Variants in CSMD1 observed in about 807,000 individuals in gnomAD.
The protein encoded by CSMD1 is CUB and Sushi multiple domains 1, also known as CUB and sushi domain-containing protein 1.
Under a neutral mutation model 417.5 loss-of-function variants are expected in CSMD1, and 213 were observed. That is an observed-to-expected ratio of 0.51 (90% CI 0.46 to 0.57). The LOEUF (loss-of-function observed/expected upper bound fraction) is 0.57. Ranked by LOEUF, CSMD1 falls within the 20% of genes least tolerant of loss-of-function variation. The pLI, the probability that CSMD1 is intolerant of heterozygous loss-of-function variation, is 0.00. For missense variants in CSMD1, 6,923 were observed against 4,529.7 expected, an observed-to-expected ratio of 1.53 and a Z score of -15.17; for synonymous variants, 2,862 against 1,736.8, an observed-to-expected ratio of 1.65 and a Z score of -16.11.
intron 5 of CSMD1, among the ~76,000 whole-genome samples, chr8:3,944,704 G>A (rs1323220601): frequency 6.6e-6 from 1 of 152,036 alleles, no homozygotes; most frequent in Non-Finnish European, 1.5e-5. Flanking sequence ...AATGCCTCAG[G>A]ACATTTGTCT....
intron 10 of CSMD1, among the ~76,000 whole-genome samples, chr8:3,504,441 G>C (rs867018352): frequency 1.3e-5 from 2 of 152,126 alleles, no homozygotes; most frequent in African/African-American, 4.8e-5. Flanking sequence ...AGCAAGGTGT[G>C]TACTTCTTCT....
At chr8:4,814,023 T>C (rs1455846941) in intron 1 of CSMD1, among the ~76,000 whole-genome samples, 1 of 152,212 alleles carries the variant, frequency 6.6e-6, no homozygotes, top group Non-Finnish European at 1.5e-5. Flanking sequence ...TTGAGCTTCA[T>C]CACATTTAAA....
At chr8:3,434,733 T>G (rs1218404718) in intron 12 of CSMD1, among the ~76,000 whole-genome samples, 2 of 152,166 alleles carry the variant, frequency 1.3e-5, no homozygotes, top group Non-Finnish European at 2.9e-5. Flanking sequence ...ATCACTAATT[T>G]AACATCCGCA....
At chr8:3,055,622 C>T (rs1470355773) in intron 49 of CSMD1, among the ~76,000 whole-genome samples, 1 of 152,166 alleles carries the variant, frequency 6.6e-6, no homozygotes, top group Non-Finnish European at 1.5e-5. Context: ...TTAGCATTGG[C>T]AATGTAAGAA....
chr8:4,205,266 C>T (rs1799909630), intron 3 of CSMD1, among the ~76,000 whole-genome samples: 1 of 152,126 alleles, frequency 6.6e-6, no homozygotes, highest in Non-Finnish European at 1.5e-5. Context: ...ATTTTTGCTG[C>T]TCATATAGTT....
At chr8:4,008,838 C>T (rs935977972) in intron 4 of CSMD1, among the ~76,000 whole-genome samples, 4 of 151,914 alleles carry the variant, frequency 2.6e-5, no homozygotes, top group Non-Finnish European at 5.9e-5. Context: ...TCTCGATCTC[C>T]TGACCTCCTG....
At chr8:4,688,369 G>T (rs1806525082) in intron 1 of CSMD1, among the ~76,000 whole-genome samples, 1 of 152,128 alleles carries the variant, frequency 6.6e-6, no homozygotes, top group Non-Finnish European at 1.5e-5. Context: ...CAAAATAATG[G>T]ACTATCAGGT....
chr8:3,398,777 T>C (rs140500879), intron 16 of CSMD1, among the ~76,000 whole-genome samples: 23 of 152,334 alleles, frequency 1.5e-4, no homozygotes, highest in African/African-American at 5.5e-4. Flanking sequence ...AAAACCCTTC[T>C]TATATAGAAC....
chr8:3,853,374 T>G (rs1334620395), intron 5 of CSMD1, among the ~76,000 whole-genome samples: 1 of 152,202 alleles, frequency 6.6e-6, no homozygotes, highest in African/African-American at 2.4e-5. Context: ...TATTGTTATG[T>G]AATGTAATGC....
At chr8:4,271,327 C>G (rs1170139075) in intron 3 of CSMD1, among the ~76,000 whole-genome samples, 2 of 152,048 alleles carry the variant, frequency 1.3e-5, no homozygotes, top group Non-Finnish European at 2.9e-5. Context: ...TGAAATCGTT[C>G]ATTAGTAAGA....
chr8:4,409,255 C>A (rs543964846), intron 3 of CSMD1, among the ~76,000 whole-genome samples: 2 of 152,300 alleles, frequency 1.3e-5, no homozygotes, highest in African/African-American at 4.8e-5. Flanking sequence ...AACTTACATA[C>A]TTCCTACTTA....
intron 1 of CSMD1, among the ~76,000 whole-genome samples, chr8:4,812,998 T>C (rs1294792646): frequency 2.0e-5 from 3 of 152,232 alleles, no homozygotes; most frequent in Non-Finnish European, 4.4e-5. Flanking sequence ...TATTTATCTG[T>C]TAAAACTCAC....
intron 54 of CSMD1, among the ~76,000 whole-genome samples, chr8:2,985,496 T>C (rs1219378882): frequency 1.3e-5 from 2 of 152,224 alleles, no homozygotes; most frequent in Non-Finnish European, 2.9e-5. Context: ...TTTCACCACT[T>C]TCCTTACAAA....
At chr8:4,886,892 G>C (rs56788986) in intron 1 of CSMD1, among the ~76,000 whole-genome samples, 2 of 151,836 alleles carry the variant, frequency 1.3e-5, no homozygotes, top group East Asian at 3.9e-4. Flanking sequence ...GTCTATTTAA[G>C]ACTTTTTAAA....
intron 2 of CSMD1, among the ~76,000 whole-genome samples, chr8:4,483,534 C>T (rs2915062): frequency 0.016 from 2,444 of 152,198 alleles, 60 homozygotes; most frequent in African/African-American, 0.056. Flanking sequence ...GTGACAAGGA[C>T]ACCAAAACTT....
At chr8:3,384,097 C>A (rs1478336908) in intron 18 of CSMD1, among the ~76,000 whole-genome samples, 2 of 152,022 alleles carry the variant, frequency 1.3e-5, no homozygotes, top group Admixed American at 6.6e-5. Context: ...TGGAAAAGTT[C>A]GTTTAGTGAC....
intron 10 of CSMD1, among the ~76,000 whole-genome samples, chr8:3,558,802 C>A (rs985965004): frequency 6.7e-6 from 1 of 149,752 alleles, no homozygotes; most frequent in Non-Finnish European, 1.5e-5. Context: ...ATGAATGGTG[C>A]CTCAATAGCA....
At chr8:3,065,291 ATAGATAGATAGG>A (rs969739606) in intron 49 of CSMD1, among the ~76,000 whole-genome samples, 39 of 138,846 alleles carry the variant, frequency 2.8e-4, no homozygotes, top group African/African-American at 1.1e-3. Context: ...ACATAGATAG[ATAGATAGATAGG>A]TAGATAGATA....
Position 3,493,682 on chromosome 8 carries a change from A to T in CSMD1, c.1389T>A (p.Tyr463Ter). ...CAGCATCACCAACCGTCAGGGTGTC[A>T]TAGCCTCGCTCCAGCTCAAACTCTT... is the stretch of plus-strand genomic sequence containing the variant. ...AFEEFELERG[Y>*]DTLTVGDAGK... Residue 463 changes from tyrosine to a stop codon, truncating the protein, a stop_gained, in exon 11 of 70, where the codon TAT becomes TAA. Transcript: ENST00000635120. LOFTEE classifies it high-confidence loss of function. 1.2e-6 allele frequency: 2 copies of T among 1,612,430 alleles called. No homozygotes were observed. Among genetic ancestry groups the T allele is most frequent in the Non-Finnish European group, 1.7e-6 (2 of 1,179,326 alleles).
Sources: allele counts gnomAD v4.1 joint callset (sites outside exome capture counted in the v4.1 genomes callset), GRCh38; gene constraint gnomAD v4.1.1; transcripts MANE v1.5; gene names NCBI Gene and HGNC (gene_info 2026-07-23, HGNC 2026-07-21).